Variants in NENF observed in about 807,000 individuals in gnomAD.
The protein encoded by NENF is neudesin neurotrophic factor.
In NENF, 6 loss-of-function variants were observed where a neutral mutation model predicts 14.8. The observed-to-expected ratio is 0.40, with a 90% CI of 0.22 to 0.80. The LOEUF (loss-of-function observed/expected upper bound fraction) is 0.80. NENF is among the 30% of genes least tolerant of loss of function. The pLI, the probability that NENF is intolerant of heterozygous loss-of-function variation, is 0.34. For missense variants in NENF, 184 were observed against 212.7 expected, an observed-to-expected ratio of 0.87 and a Z score of 0.84; for synonymous variants, 76 against 95.1, an observed-to-expected ratio of 0.80 and a Z score of 1.17.
intron 1 of NENF, among the ~76,000 whole-genome samples, chr1:212,438,924 T>C (rs1662651047): frequency 6.6e-6 from 1 of 152,050 alleles, no homozygotes; most frequent in African/African-American, 2.4e-5. Context: ...TCACTTCTAT[T>C]CCTGTGTCTG....
chr1:212,444,518 CGTGTGT>C (rs57220444), intron 3 of NENF, 76 bp downstream of exon 3: 33,079 of 495,948 alleles, frequency 0.067, 522 homozygotes, highest in Middle Eastern at 0.091. Flanking sequence ...TTTTTCTTTT[CGTGTGT>C]GTGTGTGTGT....
chr1:212,441,264 G>A (rs1662694914), intron 1 of NENF, among the ~76,000 whole-genome samples: 1 of 152,148 alleles, frequency 6.6e-6, no homozygotes, highest in African/African-American at 2.4e-5. Context: ...ATATACTTAG[G>A]CCCAGGAATT....
intron 1 of NENF, chr1:212,435,182 C>A: frequency 6.6e-6 from 1 of 152,342 alleles, no homozygotes; most frequent in African/African-American, 2.4e-5. Flanking sequence ...GGGCAAATTA[C>A]TAAACCTCTC....
At chr1:212,444,663 C>T (rs1662751764) in intron 3 of NENF, among the ~76,000 whole-genome samples, 1 of 151,464 alleles carries the variant, frequency 6.6e-6, no homozygotes, top group African/African-American at 2.4e-5. Flanking sequence ...ATTATCCTAC[C>T]ATGTCATCTC....
chr1:212,433,598 C>CT lies in NENF; in HGVS notation c.177+479dup, dbSNP rs1316651173. On this transcript the variant is annotated intron_variant, in intron 1 of 3. Transcript: ENST00000366988. This position sits in a 1 kb window ranked among gnomAD's most constrained non-coding sequence, Gnocchi z 5.5. Reference sequence around the variant, plus strand: ...TTGCCTGCACTTCCTTTTCCTGCCCCTGTATCCCAGGCCTCTGCATCGGAC... The same window carrying CT: ...TTGCCTGCACTTCCTTTTCCTGCCCCTTGTATCCCAGGCCTCTGCATCGGAC... Among the ~76,000 whole-genome samples, 1 of 152,036 alleles carries CT rather than the reference C, an allele frequency of 6.6e-6. No homozygotes were observed. The highest frequency in any genetic ancestry group is 2.4e-5 in the African/African-American group (1 of 41,412).
chr1:212,433,048 G>T lies in NENF; in HGVS notation c.105G>T (p.Pro35=). 2.5e-6 allele frequency: 3 copies of T among 1,188,470 alleles called. No homozygotes were observed. The highest frequency in any genetic ancestry group is 3.1e-6 in the Non-Finnish European group (3 of 959,828). The allele number at this position is 1,188,470 out of a possible 1,614,324, so 73.6% of individuals were successfully genotyped here. ...CCACAGCCCGGGCCGGGCAGACACC[G>T]CGCCCTGCCGAGCGGGGGCCCCCAG... ...GLPTARAGQT[P]RPAERGPPVR... Residue 35 remains proline (P), a synonymous_variant, in exon 1 of 4, where the codon CCG becomes CCT. Transcript: ENST00000366988. This position sits in a 1 kb window ranked among gnomAD's most constrained non-coding sequence, Gnocchi z 5.5.
intron 1 of NENF, among the ~76,000 whole-genome samples, chr1:212,439,847 T>C (rs1179126081): frequency 6.8e-6 from 1 of 147,944 alleles, no homozygotes; most frequent in Non-Finnish European, 1.5e-5. Context: ...GCAACCGAGC[T>C]AGACTCCGTC....
In NENF at chr1:212,446,281, C is replaced by T. The variant is rs1571706806; in HGVS notation, c.*275C>T. The T allele has an allele frequency of 2.6e-6, 1 of 389,328 alleles. No individual in the cohort carries two copies. The highest frequency in any genetic ancestry group is 4.5e-5 in the East Asian group (1 of 22,314). 24.1% of individuals were successfully genotyped at this position (389,328 alleles called of 1,614,324 possible). ...GGCTGGGCAGTGGAATTTTGAGCGACCTTTACTTTATACTTTTCTGTGCTT... is the reference window on the plus strand; with the variant it reads ...GGCTGGGCAGTGGAATTTTGAGCGATCTTTACTTTATACTTTTCTGTGCTT... On this transcript the variant is annotated 3_prime_UTR_variant, in exon 4 of 4. Coordinates refer to ENST00000366988, the MANE Select transcript of NENF (RefSeq NM_013349.5).
chr1:212,446,109 A>T lies in NENF; in HGVS notation c.*103A>T. The T allele has an allele frequency of 8.8e-7, 1 of 1,137,376 alleles. No homozygotes were observed. Among genetic ancestry groups the T allele is most frequent in the Admixed American group, 2.1e-5 (1 of 48,484 alleles). The allele number at this position is 1,137,376 out of a possible 1,614,324, so 70.5% of individuals were successfully genotyped here. ...TGCCTGGAGGCCCTGAGCCACCCAGATCTGAATAAAACAGATGCTTACCCT... is the reference window on the plus strand; with the variant it reads ...TGCCTGGAGGCCCTGAGCCACCCAGTTCTGAATAAAACAGATGCTTACCCT... On this transcript the variant is annotated 3_prime_UTR_variant, in exon 4 of 4. Coordinates refer to ENST00000366988, the MANE Select transcript of NENF (RefSeq NM_013349.5).
chr1:212,446,240 G>C lies in NENF; in HGVS notation c.*234G>C. ...AAGAGCCAAAGTGGGACACCTCCTA[G>C]ATGTCAGTATCAGCTGGCTGGGCAG... On this transcript the variant is annotated 3_prime_UTR_variant, in exon 4 of 4. Transcript: ENST00000366988. 2.0e-6 allele frequency: 1 copy of C among 500,150 alleles called. No individual in the cohort carries two copies. Among genetic ancestry groups the C allele is most frequent in the Non-Finnish European group, 3.6e-6 (1 of 281,202 alleles). The allele number at this position is 500,150 out of a possible 1,614,324, so 31.0% of individuals were successfully genotyped here.
chr1:212,439,629 A>G (rs140916068), intron 1 of NENF, among the ~76,000 whole-genome samples: 210 of 144,176 alleles, frequency 1.5e-3, no homozygotes, highest in African/African-American at 5.3e-3. Flanking sequence ...AGATTACCTG[A>G]GGTCAGGAGT....
chr1:212,444,250 G>A (rs1201019929), intron 2 of NENF, 89 bp from the exon 3 acceptor site: 6 of 743,396 alleles, frequency 8.1e-6, no homozygotes, highest in Non-Finnish European at 1.3e-5. Context: ...AGGATTGGGT[G>A]CGGGCCTTGG....
intron 1 of NENF, among the ~76,000 whole-genome samples, chr1:212,439,012 G>A (rs6676744): frequency 0.011 from 1,705 of 151,780 alleles, 25 homozygotes; most frequent in African/African-American, 0.039. Context: ...CTGTGCCTGG[G>A]GGTTGTGCTA....
Position 212,433,527 on chromosome 1 carries a change from C to T in NENF, c.177+407C>T, listed in dbSNP as rs1430072908. On this transcript the variant is annotated intron_variant, in intron 1 of 3. Transcript: ENST00000366988. The surrounding 1 kb of genome is among the most constrained non-coding windows in gnomAD (Gnocchi z 5.5). Reference sequence around the variant, plus strand: ...GGAGGGAGGGAAGCAGAGCCTGCTCCCTGGGTTAGGTGGGAATTGAGACAG... The same window carrying T: ...GGAGGGAGGGAAGCAGAGCCTGCTCTCTGGGTTAGGTGGGAATTGAGACAG... Among the ~76,000 whole-genome samples, 1 of 152,130 alleles carries T rather than the reference C, an allele frequency of 6.6e-6. No homozygotes were observed. Among genetic ancestry groups the T allele is most frequent in the East Asian group, 1.9e-4 (1 of 5,162 alleles).
chr1:212,441,167 G>A (rs1662693255), intron 1 of NENF, among the ~76,000 whole-genome samples: 1 of 152,132 alleles, frequency 6.6e-6, no homozygotes, highest in Non-Finnish European at 1.5e-5. Flanking sequence ...GTAGAACGGT[G>A]GGGAAACAGC....
intron 1 of NENF, among the ~76,000 whole-genome samples, chr1:212,440,120 C>T (rs59001230): frequency 0.085 from 12,917 of 151,190 alleles, 1,094 homozygotes; most frequent in East Asian, 0.41. Flanking sequence ...GGTATGGTGG[C>T]GTGTGCCTGT....
rs1301300701 is a variant in NENF at position 212,433,522 on chromosome 1, T to C, written c.177+402T>C. ...GGGACGGAGGGAGGGAAGCAGAGCC[T>C]GCTCCCTGGGTTAGGTGGGAATTGA... On this transcript the variant is annotated intron_variant, in intron 1 of 3. Transcript: ENST00000366988. This position sits in a 1 kb window ranked among gnomAD's most constrained non-coding sequence, Gnocchi z 5.5. Among the ~76,000 whole-genome samples the C allele has an allele frequency of 6.6e-6, 1 of 151,960 alleles. No individual in the cohort carries two copies. Among genetic ancestry groups the C allele is most frequent in the Non-Finnish European group, 1.5e-5 (1 of 67,948 alleles).
chr1:212,440,765 T>C (rs1008298384), intron 1 of NENF, among the ~76,000 whole-genome samples: 1 of 152,194 alleles, frequency 6.6e-6, no homozygotes, highest in African/African-American at 2.4e-5. Flanking sequence ...TGAGCCTCAG[T>C]AGCTCCTCTG....
At chr1:212,437,330 T>C (rs1472151982) in intron 1 of NENF, among the ~76,000 whole-genome samples, 1 of 152,250 alleles carries the variant, frequency 6.6e-6, no homozygotes, top group Non-Finnish European at 1.5e-5. Flanking sequence ...TACTTGATTA[T>C]GGGTGTTGCC....
Sources: allele counts gnomAD v4.1 joint callset (sites outside exome capture counted in the v4.1 genomes callset), GRCh38; gene constraint gnomAD v4.1.1; non-coding constraint Gnocchi (gnomAD v3.1); transcripts MANE v1.5; gene names NCBI Gene and HGNC (gene_info 2026-07-23, HGNC 2026-07-21).